TANC2: variants seen among roughly 807,000 people sequenced by gnomAD.
TANC2 encodes the protein tetratricopeptide repeat, ankyrin repeat and coiled-coil containing 2.
Under a neutral mutation model 210.5 loss-of-function variants are expected in TANC2, and 26 were observed. That is an observed-to-expected ratio of 0.12 (90% confidence interval 0.09 to 0.17). The LOEUF is 0.17. Ranked by LOEUF, TANC2 falls within the 10% of genes least tolerant of loss-of-function variation. The probability of loss-of-function intolerance (pLI) is 1.00; values close to 1 mark genes in which losing one functional copy is unlikely to be tolerated. For synonymous variants in TANC2, 931 were observed against 967.1 expected, an observed-to-expected ratio of 0.96 and a Z score of 0.69; for missense variants, 2,129 against 2,608.9, an observed-to-expected ratio of 0.82 and a Z score of 4.01.
chr17:63,316,031 T>G (rs1179984935), intron 10 of TANC2, among the ~76,000 whole-genome samples: 2 of 152,208 alleles, frequency 1.3e-5, no homozygotes, highest in East Asian at 3.8e-4. Flanking sequence ...TCAAATTGAC[T>G]AGACTTTGTG....
At chr17:63,413,503 G>A (rs747849303) in intron 24 of TANC2, 40 bp from the exon 25 acceptor site, 12 of 1,510,528 alleles carry the variant, frequency 7.9e-6, no homozygotes, top group Non-Finnish European at 1.1e-5. Flanking sequence ...CCCTTACATT[G>A]TATGAGTTTT....
At chr17:63,042,908 G>A (rs1010593564) in intron 2 of TANC2, among the ~76,000 whole-genome samples, 1 of 151,978 alleles carries the variant, frequency 6.6e-6, no homozygotes, top group Non-Finnish European at 1.5e-5. Context: ...GGAAGACATA[G>A]AGTAACTGGA....
At chr17:63,122,977 A>T (rs2038544120) in intron 4 of TANC2, among the ~76,000 whole-genome samples, 1 of 152,192 alleles carries the variant, frequency 6.6e-6, no homozygotes, top group South Asian at 2.1e-4. Context: ...AGGTTTCATG[A>T]AGGATGCTCT....
chr17:63,042,359 T>C (rs1344471596), intron 2 of TANC2, among the ~76,000 whole-genome samples: 2 of 152,180 alleles, frequency 1.3e-5, no homozygotes, highest in Non-Finnish European at 2.9e-5. Flanking sequence ...AAGTCAACTA[T>C]ATTTTGTAGT....
At chr17:63,035,522 G>A (rs1220611845) in intron 2 of TANC2, among the ~76,000 whole-genome samples, 2 of 152,162 alleles carry the variant, frequency 1.3e-5, no homozygotes, top group African/African-American at 4.8e-5. Context: ...GAGTTGTTGT[G>A]TCAAAAAGTA....
At chr17:63,061,434 T>TC (rs1201872336) in intron 2 of TANC2, among the ~76,000 whole-genome samples, 3 of 151,966 alleles carry the variant, frequency 2.0e-5, no homozygotes, top group Non-Finnish European at 2.9e-5. Context: ...ACTCAAATGA[T>TC]CCCCCCCTTT....
At chr17:63,106,579 G>T (rs7212556) in intron 4 of TANC2, among the ~76,000 whole-genome samples, 90,095 of 151,278 alleles carry the variant, frequency 0.6, 29,504 homozygotes, top group African/African-American at 0.86. Context: ...GCCAGGAGGC[G>T]TGAGGACAAG....
intron 7 of TANC2, among the ~76,000 whole-genome samples, chr17:63,212,044 A>G (rs1353600935): frequency 6.6e-6 from 1 of 152,000 alleles, no homozygotes; most frequent in Non-Finnish European, 1.5e-5. Context: ...CCCACCCCAC[A>G]ACAGGCCCCG....
At chr17:63,367,872 G>A (rs529797214) in intron 14 of TANC2, among the ~76,000 whole-genome samples, 35 of 152,316 alleles carry the variant, frequency 2.3e-4, no homozygotes, top group African/African-American at 8.2e-4. Context: ...GTAGATAACA[G>A]GGAGCCTCTG....
At chr17:63,410,289 T>A (rs920036472) in intron 21 of TANC2, among the ~76,000 whole-genome samples, 2 of 151,956 alleles carry the variant, frequency 1.3e-5, no homozygotes, top group African/African-American at 4.8e-5. Context: ...CTTGAACTTA[T>A]TTCTTCTTTC....
At chr17:63,059,027 G>C (rs2035903129) in intron 2 of TANC2, among the ~76,000 whole-genome samples, 2 of 152,092 alleles carry the variant, frequency 1.3e-5, no homozygotes, top group African/African-American at 4.8e-5. Context: ...AATTGCTTTG[G>C]GCAGTATAGC....
intron 2 of TANC2, among the ~76,000 whole-genome samples, chr17:63,050,484 A>G (rs2035544542): frequency 6.6e-6 from 1 of 152,164 alleles, no homozygotes; most frequent in South Asian, 2.1e-4. Flanking sequence ...AAAACATAAA[A>G]CCATGAGTCT....
intron 2 of TANC2, among the ~76,000 whole-genome samples, chr17:63,055,995 A>ATG (rs2035788208): frequency 6.5e-5 from 1 of 15,268 alleles, no homozygotes; most frequent in Non-Finnish European, 1.6e-4. Context: ...AAAAAAATAT[A>ATG]TATATATATA....
intron 9 of TANC2, among the ~76,000 whole-genome samples, chr17:63,304,793 G>A (rs1046666664): frequency 6.6e-6 from 1 of 152,140 alleles, no homozygotes; most frequent in Admixed American, 6.5e-5. Flanking sequence ...GGAGTTGTTG[G>A]AGTTCCTGCA....
At chr17:63,185,565 C>T (rs2040953169) in intron 5 of TANC2, among the ~76,000 whole-genome samples, 1 of 152,158 alleles carries the variant, frequency 6.6e-6, no homozygotes, top group Non-Finnish European at 1.5e-5. Flanking sequence ...TGAAACCATA[C>T]ATTTTTTAAA....
intron 9 of TANC2, among the ~76,000 whole-genome samples, chr17:63,274,122 A>G (rs1199097573): frequency 6.6e-6 from 1 of 152,180 alleles, no homozygotes; most frequent in African/African-American, 2.4e-5. Flanking sequence ...GTTTGATGAT[A>G]ATGGTAGTCT....
intron 7 of TANC2, among the ~76,000 whole-genome samples, chr17:63,208,262 C>T (rs1236310492): frequency 6.6e-6 from 1 of 152,158 alleles, no homozygotes; most frequent in Non-Finnish European, 1.5e-5. Flanking sequence ...ATACAAATAA[C>T]TAGTTCCATT....
At chr17:63,130,956 A>G (rs2038895371) in intron 4 of TANC2, 1 of 152,222 alleles carries the variant, frequency 6.6e-6, no homozygotes, top group Non-Finnish European at 1.5e-5. Context: ...TTATTCCTTC[A>G]GAGTTGTGGG....
intron 11 of TANC2, among the ~76,000 whole-genome samples, chr17:63,336,717 A>G (rs934561249): frequency 3.3e-5 from 5 of 152,384 alleles, no homozygotes; most frequent in Admixed American, 3.3e-4. Context: ...GAAAAAGTTT[A>G]GGAATTTAAC....
Sources: allele counts gnomAD v4.1 joint callset (sites outside exome capture counted in the v4.1 genomes callset), GRCh38; gene constraint gnomAD v4.1.1; transcripts MANE v1.5; gene names NCBI Gene and HGNC (gene_info 2026-07-23, HGNC 2026-07-21).